STK31: variants seen among roughly 807,000 people sequenced by gnomAD.
The protein encoded by STK31 is serine/threonine kinase 31, also known as serine/threonine-protein kinase 31.
STK31 carries 89 observed loss-of-function variants against 129.7 expected under a neutral mutation model. The ratio of observed to expected loss-of-function variants is 0.69; its 90% CI spans 0.58 to 0.82. The LOEUF (loss-of-function observed/expected upper bound fraction) is 0.82. STK31 is among the 40% of genes least tolerant of loss of function. The pLI is 0.00. For missense variants in STK31, 1,187 were observed against 1,176.4 expected (o/e 1.01, Z -0.13); for synonymous variants, 448 against 395.3 (o/e 1.13, Z -1.58).
intron 10 of STK31, among the ~76,000 whole-genome samples, chr7:23,756,785 A>G (rs2128095880): frequency 6.6e-6 from 1 of 152,282 alleles, no homozygotes; most frequent in Non-Finnish European, 1.5e-5. Flanking sequence ...TATGTGATGG[A>G]TTACGTTTAT....
chr7:23,783,952 A>AAG (rs1791096813), intron 17 of STK31, among the ~76,000 whole-genome samples: 5 of 152,200 alleles, frequency 3.3e-5, no homozygotes, highest in African/African-American at 1.2e-4. Context: ...AAATGACAAA[A>AAG]TAAAATTTTA....
At chr7:23,792,324 GCAA>G (rs1184920986) in intron 22 of STK31, among the ~76,000 whole-genome samples, 1 of 151,992 alleles carries the variant, frequency 6.6e-6, no homozygotes, top group Non-Finnish European at 1.5e-5. Context: ...TTTTATATAA[GCAA>G]CAAATAATAG....
At position 23,809,181 on chromosome 7, in the gene STK31, G is replaced by A. The variant is rs118109737; in HGVS notation, c.2761-5963G>A. Among the ~76,000 whole-genome samples the A allele has an allele frequency of 4.2e-3, 630 of 149,946 alleles. 5 individuals carry two copies. The highest frequency in any genetic ancestry group is 6.3e-3 in the Non-Finnish European group (427 of 67,628). ...TTTGTTTTTTTTAAGAGGAAAGGTTGATGTGAAATGTGACTACTCCTTGGC... is the reference window on the plus strand; with the variant it reads ...TTTGTTTTTTTTAAGAGGAAAGGTTAATGTGAAATGTGACTACTCCTTGGC... On this transcript the variant is annotated intron_variant, in intron 22 of 23. Coordinates refer to ENST00000355870, the MANE Select transcript of STK31 (RefSeq NM_031414.5).
At chr7:23,787,692 A>T (rs1423629642) in intron 20 of STK31, among the ~76,000 whole-genome samples, 12 of 151,596 alleles carry the variant, frequency 7.9e-5, no homozygotes, top group African/African-American at 2.7e-4. Flanking sequence ...CATCCATGGA[A>T]AAATTGTCTT....
intron 3 of STK31, among the ~76,000 whole-genome samples, chr7:23,714,860 T>C (rs570586959): frequency 6.6e-6 from 1 of 152,320 alleles, no homozygotes; most frequent in African/African-American, 2.4e-5. Flanking sequence ...AGCTATTCAA[T>C]TCTGCCAACA....
intron 8 of STK31, among the ~76,000 whole-genome samples, chr7:23,750,689 G>C (rs1180976682): frequency 6.6e-6 from 1 of 152,130 alleles, no homozygotes; most frequent in Non-Finnish European, 1.5e-5. Flanking sequence ...CTACTTAGAA[G>C]CATGTTGCTT....
intron 14 of STK31, 49 bp from the exon 15 acceptor site, chr7:23,772,098 T>C (rs1304022196): frequency 7.3e-7 from 1 of 1,372,978 alleles, no homozygotes; most frequent in Admixed American, 2.4e-5. Context: ...CACTGTTCAA[T>C]AAATACTTTT....
At position 23,790,909 on chromosome 7, in the gene STK31, G is replaced by C; in HGVS notation, c.2723G>C (p.Gly908Ala). The change falls in exon 22 of 24, where the codon GGT becomes GCT. Residue 908 changes from glycine (G) to alanine (A), a missense_variant. Physicochemically the swap from Gly to Ala is moderately conservative, Grantham distance 60. Around this residue, in one of 5 missense-constraint regions of STK31, gnomAD observed 975 missense variants for 934.9 expected, o/e 1.04. Transcript: ENST00000355870. ...AAAATGGGAAAACCTGCTTCTCCAG[G>C]TTCAGACTTATATGCTTATGGCTGC... ...ELKMGKPASP[G>A]SDLYAYGCLL... The C allele has an allele frequency of 6.2e-7, 1 of 1,606,490 alleles. No individual in the cohort carries two copies. The highest frequency in any genetic ancestry group is 8.5e-7 in the Non-Finnish European group (1 of 1,177,072).
intron 22 of STK31, among the ~76,000 whole-genome samples, chr7:23,814,558 C>T (rs985743774): frequency 6.6e-6 from 1 of 151,966 alleles, no homozygotes; most frequent in Admixed American, 6.6e-5. Flanking sequence ...TTATGAAATA[C>T]ATAGGATTTG....
intron 23 of STK31, among the ~76,000 whole-genome samples, chr7:23,824,556 G>C (rs189841445): frequency 2.0e-5 from 3 of 151,614 alleles, no homozygotes; most frequent in African/African-American, 7.3e-5. Context: ...AGGGACAATT[G>C]GACTTCCTCT....
chr7:23,828,931 G>A (rs375683249), intron 23 of STK31, among the ~76,000 whole-genome samples: 10 of 150,142 alleles, frequency 6.7e-5, no homozygotes, highest in East Asian at 2.0e-4. Flanking sequence ...ATGGAGTTTC[G>A]TTCGTGTTGC....
chr7:23,714,905 G>A (rs556025918), intron 3 of STK31, among the ~76,000 whole-genome samples: 1 of 152,184 alleles, frequency 6.6e-6, no homozygotes, highest in Admixed American at 6.5e-5. Context: ...ATGTGAATGA[G>A]TGTGTGTAGC....
chr7:23,744,294 C>CTT (rs76963559), intron 8 of STK31, among the ~76,000 whole-genome samples: 2 of 139,812 alleles, frequency 1.4e-5, no homozygotes, highest in African/African-American at 5.4e-5. Context: ...TCTAGGATTT[C>CTT]TTTTTTTTTT....
rs3034048 is a variant in STK31, at chr7:23,830,592, TTGTGTGTG to T, written c.2830-1514_2830-1507del. Among the ~76,000 whole-genome samples, 503 of 142,244 alleles carry T rather than the reference TTGTGTGTG, an allele frequency of 3.5e-3. 2 individuals carry two copies. The highest frequency in any genetic ancestry group is 0.011 in the East Asian group (54 of 4,882). 93.3% of individuals were successfully genotyped at this position (142,244 alleles called of 152,430 possible). On this transcript the variant is annotated intron_variant, in intron 23 of 23. Transcript: ENST00000355870. ...AGCAGCACGTTGTTTAATTTCCATGTTGTGTGTGTGTGTGTGTGTGTGTGTGTGTGTGT... is the reference window on the plus strand; with the variant it reads ...AGCAGCACGTTGTTTAATTTCCATGTTGTGTGTGTGTGTGTGTGTGTGTGT...
intron 15 of STK31, among the ~76,000 whole-genome samples, chr7:23,781,191 AT>A (rs1411767045): frequency 2.0e-5 from 3 of 152,182 alleles, no homozygotes; most frequent in Non-Finnish European, 4.4e-5. Context: ...TGTATAATTG[AT>A]TTTATGTCTT....
intron 22 of STK31, among the ~76,000 whole-genome samples, chr7:23,808,307 C>G (rs1792848809): frequency 6.6e-6 from 1 of 151,978 alleles, no homozygotes; most frequent in Middle Eastern, 3.4e-3. Context: ...CTTCTCCTTG[C>G]TGCTGACAGA....
intron 3 of STK31, among the ~76,000 whole-genome samples, chr7:23,715,622 T>C (rs1278850893): frequency 6.6e-6 from 1 of 152,044 alleles, no homozygotes; most frequent in African/African-American, 2.4e-5. Context: ...TTTTAGTCTG[T>C]ATAGTGAAAA....
intron 17 of STK31, among the ~76,000 whole-genome samples, 169 bp downstream of exon 17, chr7:23,783,832 G>T (rs991722328): frequency 6.6e-6 from 1 of 152,064 alleles, no homozygotes. Flanking sequence ...TAGTTGCATG[G>T]TATATATTTG....
chr7:23,740,948 A>G (rs1788021019), intron 8 of STK31, among the ~76,000 whole-genome samples: 1 of 152,194 alleles, frequency 6.6e-6, no homozygotes, highest in African/African-American at 2.4e-5. Flanking sequence ...CTTTATATGT[A>G]CATGTTTTCA....
Sources: gnomAD v4.1 joint callset for allele counts (sites outside exome capture counted in the v4.1 genomes callset) on GRCh38, gnomAD v4.1.1 for gene constraint, gnomAD v4.1.1 regional missense constraint, MANE v1.5 for transcripts, NCBI Gene and HGNC (gene_info 2026-07-23, HGNC 2026-07-21) for gene names.